The following CELF1 variants were observed in gnomAD, a reference collection of about 807,000 sequenced individuals.
CELF1 encodes 50 kDa nuclear polyadenylated RNA-binding protein.
In CELF1, 10 loss-of-function variants were observed where a neutral mutation model predicts 61.8. The observed-to-expected ratio is 0.16, with a 90% CI of 0.10 to 0.27. The LOEUF (loss-of-function observed/expected upper bound fraction) is 0.27. Among genes scored for constraint, CELF1 ranks in the 10% least tolerant of loss-of-function variants. CELF1 has a pLI of 1.00. For synonymous variants in CELF1, 236 were observed against 225.1 expected, an observed-to-expected ratio of 1.05 and a Z score of -0.43; for missense variants, 380 against 639.1, an observed-to-expected ratio of 0.59 and a Z score of 4.37.
Position 47,466,632 on chromosome 11 carries a change from G to T in CELF1, c.*5598C>A, listed in dbSNP as rs2076722310. The T allele has an allele frequency of 6.6e-6, 1 of 151,902 alleles. No homozygotes were observed. Among genetic ancestry groups the T allele is most frequent in the African/African-American group, 2.4e-5 (1 of 41,348 alleles). The allele number at this position is 151,902 out of a possible 1,614,324, so 9.4% of individuals were successfully genotyped here. A position where few individuals can be genotyped will look rare whatever the true frequency, so the allele number is the denominator to read the frequency against. The stretch of plus-strand genomic sequence containing the variant: ...TCAGAAAGGCAGCTGCCGCTCCAGG[G>T]TCTCAAATCCATTAAAACCACCACA... On this transcript the variant is annotated 3_prime_UTR_variant, in exon 15 of 15. Transcript: ENST00000687097.
intron 1 of CELF1, among the ~76,000 whole-genome samples, chr11:47,538,642 C>A (rs1271662723): frequency 2.4e-3 from 256 of 108,404 alleles, no homozygotes; most frequent in African/African-American, 2.7e-3. Context: ...GACTCCGTCT[C>A]AAAAAAAAAA....
intron 1 of CELF1, among the ~76,000 whole-genome samples, chr11:47,505,380 T>A (rs1225077318): frequency 6.6e-6 from 1 of 151,104 alleles, no homozygotes; most frequent in African/African-American, 2.4e-5. Flanking sequence ...ATGCCTGGAA[T>A]CCCAACACTT....
At chr11:47,541,603 T>C (rs2096775206) in intron 1 of CELF1, among the ~76,000 whole-genome samples, 1 of 150,152 alleles carries the variant, frequency 6.7e-6, no homozygotes, top group Admixed American at 6.7e-5. Context: ...GGCAGGAGAA[T>C]CGCTTGAACC....
rs1596314566 is a variant in CELF1, at chr11:47,481,574, C to G, written c.768+1121G>C. On this transcript the variant is annotated intron_variant, in intron 9 of 14. Transcript: ENST00000687097. The stretch of plus-strand genomic sequence containing the variant: ...AAATGATGAGGAATAAATGACTATA[C>G]TAGCTATTTCTATGTGAATATTTTT... Among the ~76,000 whole-genome samples, 4 of 152,158 alleles carry G rather than the reference C, an allele frequency of 2.6e-5. No homozygotes were observed. The East Asian group carries it at 5.8e-4, about 22-fold the overall frequency.
chr11:47,528,941 C>T (rs2096363915), intron 1 of CELF1, among the ~76,000 whole-genome samples: 1 of 152,002 alleles, frequency 6.6e-6, no homozygotes, highest in Admixed American at 6.6e-5. Flanking sequence ...ATATCTGTCT[C>T]CCAGGCTAGA....
chr11:47,553,062 G>A lies in CELF1; in HGVS notation c.-224C>T. On this transcript the variant is annotated 5_prime_UTR_variant, in exon 1 of 15. Coordinates refer to ENST00000687097, the MANE Select transcript of CELF1 (RefSeq NM_001376376.1). ...CCTCCGCAGCCGCCGCCGCCGCCTCGCTGCTGAGGCCGAATCCCGGGGGAG... is the reference window on the plus strand; with the variant it reads ...CCTCCGCAGCCGCCGCCGCCGCCTCACTGCTGAGGCCGAATCCCGGGGGAG... 1 of 400,950 alleles carries A rather than the reference G, an allele frequency of 2.5e-6. No individual in the cohort carries two copies. Among genetic ancestry groups the A allele is most frequent in the South Asian group, 1.2e-4 (1 of 8,050 alleles). 24.8% of individuals were successfully genotyped at this position (400,950 alleles called of 1,614,324 possible).
intron 1 of CELF1, among the ~76,000 whole-genome samples, chr11:47,546,484 G>C (rs1201016087): frequency 6.6e-6 from 1 of 151,938 alleles, no homozygotes; most frequent in Admixed American, 6.6e-5. Context: ...GCCCACCCTG[G>C]CCTCCCAAAG....
At chr11:47,539,067 CTT>C (rs1470129589) in intron 1 of CELF1, among the ~76,000 whole-genome samples, 2 of 152,150 alleles carry the variant, frequency 1.3e-5, no homozygotes, top group African/African-American at 4.8e-5. Context: ...ACAAACGCCA[CTT>C]AACTAGAAAT....
chr11:47,477,051 A>G, intron 11 of CELF1, 92 bp from the exon 12 acceptor site: 1 of 1,157,314 alleles, frequency 8.6e-7, no homozygotes, highest in Non-Finnish European at 1.3e-6. Context: ...TGCTATTTGT[A>G]AAGAGGTTTT....
intron 1 of CELF1, among the ~76,000 whole-genome samples, chr11:47,524,293 A>G (rs1430243496): frequency 1.3e-5 from 2 of 151,894 alleles, no homozygotes; most frequent in African/African-American, 4.8e-5. Context: ...GACCTGTAAC[A>G]AAACAAAGAG....
chr11:47,517,763 C>T (rs904718329), intron 1 of CELF1, among the ~76,000 whole-genome samples: 4 of 151,972 alleles, frequency 2.6e-5, no homozygotes, highest in African/African-American at 9.7e-5. Context: ...AGCAATTCTA[C>T]TGCCTCAGCC....
chr11:47,515,143 C>T (rs1187732496), intron 1 of CELF1, among the ~76,000 whole-genome samples: 4 of 152,234 alleles, frequency 2.6e-5, no homozygotes, highest in East Asian at 1.9e-4. Context: ...GAATTACTAA[C>T]GCTTCTACCT....
intron 1 of CELF1, among the ~76,000 whole-genome samples, chr11:47,515,427 C>G (rs1016872073): frequency 6.6e-6 from 1 of 152,154 alleles, no homozygotes; most frequent in Non-Finnish European, 1.5e-5. Context: ...TGTTCTAAGA[C>G]CACAGTTCCT....
At chr11:47,553,277 G>A (rs1565918182), upstream of CELF1, among the ~76,000 whole-genome samples, 4 of 152,184 alleles carry the variant, frequency 2.6e-5, no homozygotes, top group Middle Eastern at 0.014. Flanking sequence ...GCCGAGCGCC[G>A]GGCGCTGCAG....
intron 1 of CELF1, among the ~76,000 whole-genome samples, chr11:47,519,479 CTAAATAAATAAATAAATAAATAAATAAA>C (rs59610157): frequency 6.9e-6 from 1 of 144,928 alleles, no homozygotes; most frequent in Non-Finnish European, 1.5e-5. Context: ...GACTCCATCT[CTAAATAAATAAATAAATAAATAAATAAA>C]TAAATAAATA....
chr11:47,472,326 G>C lies in CELF1; in HGVS notation c.1449C>G (p.Ala483=), dbSNP rs2077955319. The change falls in exon 15 of 15, where the codon GCC becomes GCG. Residue 483 remains alanine, a synonymous_variant. Coordinates refer to ENST00000687097, the MANE Select transcript of CELF1 (RefSeq NM_001376376.1). ...CGTTCATGGACTGGATGGCAGCTTG[G>C]GCCGAAACAGGATTGTCGTAACTTA... ...GFVSYDNPVS[A]QAAIQSMNGF... is the part of the protein sequence containing the mutation. The C allele has an allele frequency of 6.2e-7, 1 of 1,613,936 alleles. No individual in the cohort carries two copies. The highest frequency in any genetic ancestry group is 1.1e-5 in the South Asian group (1 of 91,078).
intron 3 of CELF1, among the ~76,000 whole-genome samples, chr11:47,491,906 T>C (rs1227542028): frequency 6.6e-6 from 1 of 152,272 alleles, no homozygotes; most frequent in East Asian, 1.9e-4. Context: ...AAATGAGTGC[T>C]ATGCACAAAA....
At chr11:47,552,822 G>GAA (rs1424207376) in intron 1 of CELF1, among the ~76,000 whole-genome samples, 170 bp downstream of exon 1, 3 of 152,172 alleles carry the variant, frequency 2.0e-5, no homozygotes, top group Non-Finnish European at 4.4e-5. Flanking sequence ...CCGACATGCA[G>GAA]GAGGAGATCG....
At chr11:47,549,686 G>T (rs2097084581) in intron 1 of CELF1, among the ~76,000 whole-genome samples, 2 of 152,144 alleles carry the variant, frequency 1.3e-5, no homozygotes, top group South Asian at 4.1e-4. Context: ...AAGGGGAGCT[G>T]TTGTCCAACA....
Sources: gnomAD v4.1 joint callset for allele counts (sites outside exome capture counted in the v4.1 genomes callset) on GRCh38, gnomAD v4.1.1 for gene constraint, MANE v1.5 for transcripts, NCBI Gene and HGNC (gene_info 2026-07-23, HGNC 2026-07-21) for gene names.